The following DDX47 variants were observed in gnomAD, a reference collection of about 807,000 sequenced individuals.
The protein encoded by DDX47 is DEAD-box helicase 47, also known as probable ATP-dependent RNA helicase DDX47.
DDX47 carries 60 observed loss-of-function variants against 58.8 expected under a neutral mutation model. That is an observed-to-expected ratio of 1.02 (90% CI 0.83 to 1.26). DDX47 has a LOEUF of 1.26. Among genes scored for constraint, DDX47 ranks in the 50% most tolerant of loss-of-function variants. DDX47 has a pLI of 0.00. For synonymous variants in DDX47, 197 were observed against 204.6 expected, an observed-to-expected ratio of 0.96 and a Z score of 0.32; for missense variants, 530 against 573.2, an observed-to-expected ratio of 0.92 and a Z score of 0.77.
intron 7 of DDX47, 160 bp downstream of exon 7, chr12:12,823,479 C>G (rs1863004295): frequency 6.6e-6 from 4 of 608,886 alleles, no homozygotes; most frequent in African/African-American, 1.8e-5. Flanking sequence ...ACCGATAAGC[C>G]AGACATGCCA....
rs1374859932 is a variant in DDX47 at position 12,823,975 on chromosome 12, C to A, written c.856C>A (p.Leu286Ile). ...GAGAACAGCTTTGCTACTGCGAAAT[C>A]TTGGCTTCACTGCCATCCCCCTCCA... ...TQRTALLLRN[L>I]GFTAIPLHGQ... is the part of the protein sequence containing the mutation. The change falls in exon 8 of 12, where the codon CTT becomes ATT. Residue 286 changes from leucine (L) to isoleucine (I), a missense_variant. Leu to Ile is a conservative substitution (Grantham distance 5). Transcript: ENST00000358007. The A allele has an allele frequency of 6.2e-7, 1 of 1,614,042 alleles. No homozygotes were observed. The highest frequency in any genetic ancestry group is 1.3e-5 in the African/African-American group (1 of 74,924).
At chr12:12,821,551 G>C in intron 3 of DDX47, 104 bp from the exon 4 acceptor site, 1 of 1,429,378 alleles carries the variant, frequency 7.0e-7, no homozygotes, top group Non-Finnish European at 9.8e-7. Flanking sequence ...AATTGTAAGG[G>C]AAGAACAAAT....
chr12:12,823,540 T>G (rs1056886702), intron 7 of DDX47: 3 of 565,232 alleles, frequency 5.3e-6, no homozygotes, highest in Admixed American at 3.2e-5. Flanking sequence ...TGTAATCATA[T>G]AATTCCTTCC....
rs756056430 is a variant in DDX47 at position 12,813,372 on chromosome 12, C to T, written c.5C>T (p.Ala2Val). Residue 2 changes from alanine (A) to valine (V), a missense_variant, in exon 1 of 12, where the codon GCG becomes GTG. By Grantham distance (64) the Ala-to-Val change is moderately conservative. Transcript: ENST00000358007. ...CTTCCGGAGACCTCACACAAGATGG[C>T]GGCACCCGAGGAACACGATTCTCCG... Reference protein sequence around the residue: MAAPEEHDSPTE... With the variant: MVAPEEHDSPTE... 8.1e-6 allele frequency: 13 copies of T among 1,612,696 alleles called. No individual in the cohort carries two copies. The highest frequency in any genetic ancestry group is 6.7e-5 in the African/African-American group (5 of 74,882).
rs577569456 is a variant in DDX47, at chr12:12,815,101, T to G, written c.181+877T>G. ...AGAGGTCTTAGTTAACTGAAATCTA[T>G]TAAGATCCTCAGAGAGAGTGAATGT... On this transcript the variant is annotated intron_variant, in intron 2 of 11. Coordinates refer to ENST00000358007, the MANE Select transcript of DDX47 (RefSeq NM_016355.4). Among the ~76,000 whole-genome samples the G allele has an allele frequency of 1.1e-4, 16 of 152,312 alleles. No homozygotes were observed. In the South Asian group the frequency reaches 2.5e-3, roughly 24 times the overall value.
rs1416262843 is a variant in DDX47 at position 12,821,383 on chromosome 12, TGGAGTG to T, written c.358_363del (p.Gly120_Val121del). 1.5e-5 allele frequency: 25 copies of T among 1,614,014 alleles called. No individual in the cohort carries two copies. The highest frequency in any genetic ancestry group is 2.1e-5 in the Non-Finnish European group (25 of 1,180,032). On this transcript the variant is annotated inframe_deletion, in exon 3 of 12. Transcript: ENST00000358007. Reference sequence around the variant, plus strand: ...AGTTTGAAGCCCTGGGGTCCTCTATTGGAGTGCAGAGTGGTAAGTGTCTGAGAGGGA... The same window carrying T: ...AGTTTGAAGCCCTGGGGTCCTCTATTCAGAGTGGTAAGTGTCTGAGAGGGA...
rs1863065032 is a variant in DDX47 at position 12,827,229 on chromosome 12, C to T, written c.1107-17C>T. 1 of 1,612,448 alleles carries T rather than the reference C, an allele frequency of 6.2e-7. No individual in the cohort carries two copies. The highest frequency in any genetic ancestry group is 1.3e-5 in the African/African-American group (1 of 75,004). ...GCGTTACCAGGCAACCAGAGCTGTG[C>T]AGTTTTCCTTCCTCAGGTATGATGT... is the stretch of plus-strand genomic sequence containing the variant. On this transcript the variant is annotated splice_polypyrimidine_tract_variant and intron_variant, in intron 10 of 11. Transcript: ENST00000358007.
In DDX47 at chr12:12,823,337, A is replaced by C. The variant is rs1259843426; in HGVS notation, c.750+18A>C. 1 of 1,377,468 alleles carries C rather than the reference A, an allele frequency of 7.3e-7. No individual in the cohort carries two copies. The highest frequency in any genetic ancestry group is 2.3e-5 in the East Asian group (1 of 43,822). 85.3% of individuals were successfully genotyped at this position (1,377,468 alleles called of 1,614,324 possible). On this transcript the variant is annotated intron_variant, in intron 7 of 11. Transcript: ENST00000358007. ...AATTCAAGGTAAAATGTTTACTTTG[A>C]TCATTCCTGCCTCTCCCTCTTCTTT... is the stretch of plus-strand genomic sequence containing the variant.
chr12:12,813,496 C>G (rs1332105422), intron 1 of DDX47, 42 bp downstream of exon 1: 1 of 1,542,308 alleles, frequency 6.5e-7, no homozygotes, highest in Non-Finnish European at 8.8e-7. Context: ...TACTCTGGTG[C>G]TAGGCTCAGG....
chr12:12,826,220 A>G (rs985484879), intron 10 of DDX47, 150 bp downstream of exon 10: 5 of 562,796 alleles, frequency 8.9e-6, no homozygotes, highest in Non-Finnish European at 1.5e-5. Flanking sequence ...GAATAATAAT[A>G]CCTATCTAGC....
At position 12,815,933 on chromosome 12, in the gene DDX47, A is replaced by G. The variant is rs542378049; in HGVS notation, c.181+1709A>G. ...GACTGAGTCTGGGAAACCAATTAGTAGGTCTTTGTAATGATTTTTGCAATC... is the reference window on the plus strand; with the variant it reads ...GACTGAGTCTGGGAAACCAATTAGTGGGTCTTTGTAATGATTTTTGCAATC... On this transcript the variant is annotated intron_variant, in intron 2 of 11. Transcript: ENST00000358007. Among the ~76,000 whole-genome samples, 13 of 152,288 alleles carry G rather than the reference A, an allele frequency of 8.5e-5. No individual in the cohort carries two copies. The South Asian group carries it at 2.5e-3, about 29-fold the overall frequency.
intron 8 of DDX47, 40 bp from the exon 9 acceptor site, chr12:12,824,500 A>T (rs1250486637): frequency 6.3e-7 from 1 of 1,585,584 alleles, no homozygotes; most frequent in African/African-American, 1.4e-5. Context: ...ATTCCAAAAC[A>T]TAGGTTAAGT....
At chr12:12,814,074 A>G (rs1239993885) in intron 1 of DDX47, 57 bp from the exon 2 acceptor site, 4 of 1,050,856 alleles carry the variant, frequency 3.8e-6, no homozygotes, top group Non-Finnish European at 4.5e-6. Context: ...TCAGTTAAGT[A>G]GGAGGGAGGT....
chr12:12,824,136 ATTT>A, intron 8 of DDX47, 120 bp downstream of exon 8: 1 of 1,255,390 alleles, frequency 8.0e-7, no homozygotes, highest in Non-Finnish European at 1.1e-6. Flanking sequence ...AATTGTTGTA[ATTT>A]TATGGGCTTT....
chr12:12,828,942 T>C (rs1429832236), intron 11 of DDX47, among the ~76,000 whole-genome samples: 2 of 152,250 alleles, frequency 1.3e-5, no homozygotes, highest in African/African-American at 4.8e-5. Flanking sequence ...CTTACGCTTT[T>C]TTCCAGTTTC....
chr12:12,826,132 G>C, intron 10 of DDX47, 62 bp downstream of exon 10: 1 of 1,434,260 alleles, frequency 7.0e-7, no homozygotes. Flanking sequence ...TCAAGCCACT[G>C]GCTGAGAACC....
chr12:12,821,830 A>G, intron 4 of DDX47, 104 bp downstream of exon 4: 1 of 1,230,520 alleles, frequency 8.1e-7, no homozygotes, highest in South Asian at 1.3e-5. Flanking sequence ...TAACCCTGTT[A>G]AATTTTTTAA....
chr12:12,823,839 T>G, intron 7 of DDX47, 31 bp from the exon 8 acceptor site: 2 of 1,605,838 alleles, frequency 1.2e-6, no homozygotes, highest in Non-Finnish European at 1.7e-6. Flanking sequence ...CCAGGTTCAA[T>G]GACATATATT....
chr12:12,825,453 C>G (rs1863038167), intron 9 of DDX47, among the ~76,000 whole-genome samples: 1 of 152,184 alleles, frequency 6.6e-6, no homozygotes, highest in South Asian at 2.1e-4. Flanking sequence ...AGAAATATTT[C>G]CAGACATTAC....
Sources: allele counts gnomAD v4.1 joint callset (sites outside exome capture counted in the v4.1 genomes callset), GRCh38; gene constraint gnomAD v4.1.1; transcripts MANE v1.5; gene names NCBI Gene and HGNC (gene_info 2026-07-23, HGNC 2026-07-21).